Variants in GABRG1 observed in about 807,000 individuals in gnomAD.
GABRG1 encodes the protein gamma-aminobutyric acid type A receptor subunit gamma1.
A neutral mutation model predicts 49.8 loss-of-function variants in GABRG1; 49 were observed. The observed-to-expected ratio is 0.98, with a 90% CI of 0.78 to 1.25. GABRG1 has a LOEUF of 1.25. GABRG1 is among the 50% of genes most tolerant of loss of function. The pLI is 0.00. For synonymous variants in GABRG1, 232 were observed against 185.1 expected (o/e 1.25, Z -2.06); for missense variants, 552 against 552.3 (o/e 1.00, Z 0.01).
At chr4:46,104,995 T>A (rs925398371) in intron 1 of GABRG1, among the ~76,000 whole-genome samples, 6 of 151,472 alleles carry the variant, frequency 4.0e-5, no homozygotes, top group Admixed American at 3.3e-4. Context: ...ACTGGATTTA[T>A]AAAAGGTAAT....
intron 3 of GABRG1, 120 bp from the exon 4 acceptor site, chr4:46,065,704 G>T: frequency 1.7e-6 from 1 of 600,318 alleles, no homozygotes; most frequent in Admixed American, 3.1e-5. Context: ...CAGTCTTTTC[G>T]GAGGAAAAAA....
At chr4:46,061,987 T>C (rs1307083984) in intron 5 of GABRG1, among the ~76,000 whole-genome samples, 1 of 150,816 alleles carries the variant, frequency 6.6e-6, no homozygotes, top group Non-Finnish European at 1.5e-5. Flanking sequence ...TAACTCATCA[T>C]TTAGCATTAC....
chr4:46,041,070 AT>A lies in GABRG1; in HGVS notation c.1315del (p.Ile439LeufsTer41). 6 of 1,613,104 alleles carry A rather than the reference AT, an allele frequency of 3.7e-6. No individual in the cohort carries two copies. Among genetic ancestry groups the A allele is most frequent in the Non-Finnish European group, 5.1e-6 (6 of 1,179,358 alleles). ...EGRIHIRIAK[I>X]DSYSRIFFPT... is the part of the protein sequence containing the mutation. Reference sequence around the variant, plus strand: ...GAAAAATATTCTAGAATAAGAGTCAATTTTGGCAATGCGTATGTGTATCCTT... The same window carrying A: ...GAAAAATATTCTAGAATAAGAGTCAATTTGGCAATGCGTATGTGTATCCTT... On this transcript the variant is annotated frameshift_variant, in exon 9 of 9. Coordinates refer to ENST00000295452, the MANE Select transcript of GABRG1 (RefSeq NM_173536.4). LOFTEE classifies it high-confidence loss of function.
At chr4:46,103,945 T>C (rs1317143504) in intron 1 of GABRG1, among the ~76,000 whole-genome samples, 1 of 151,364 alleles carries the variant, frequency 6.6e-6, no homozygotes, top group Non-Finnish European at 1.5e-5. Flanking sequence ...CTGCATGTAA[T>C]CTCTACCAAA....
At chr4:46,064,367 C>T in intron 5 of GABRG1, 74 bp downstream of exon 5, 1 of 785,634 alleles carries the variant, frequency 1.3e-6, no homozygotes, top group Non-Finnish European at 2.0e-6. Flanking sequence ...ATTTTATTTT[C>T]TTTCTTTTCA....
At chr4:46,103,859 T>C in intron 1 of GABRG1, among the ~76,000 whole-genome samples, 1 of 151,268 alleles carries the variant, frequency 6.6e-6, no homozygotes, top group Non-Finnish European at 1.5e-5. Context: ...ATACAAAAAG[T>C]ATAGGTACCT....
chr4:46,042,459 T>C (rs1717822738), intron 8 of GABRG1, among the ~76,000 whole-genome samples: 1 of 151,968 alleles, frequency 6.6e-6, no homozygotes, highest in East Asian at 1.9e-4. Flanking sequence ...TTACAACTTA[T>C]TGTATTCAGC....
At chr4:46,042,075 CA>C (rs778332064) in intron 8 of GABRG1, among the ~76,000 whole-genome samples, 9 of 151,690 alleles carry the variant, frequency 5.9e-5, no homozygotes, top group Non-Finnish European at 8.8e-5. Flanking sequence ...TTCTTCTGTA[CA>C]AAAATGGCAA....
At chr4:46,117,740 A>AG (rs1270529765) in intron 1 of GABRG1, among the ~76,000 whole-genome samples, 6 of 143,912 alleles carry the variant, frequency 4.2e-5, no homozygotes, top group Admixed American at 7.1e-5. Context: ...ATATACATAT[A>AG]CACATATACA....
intron 1 of GABRG1, among the ~76,000 whole-genome samples, chr4:46,116,365 G>C (rs1720886573): frequency 6.6e-6 from 1 of 150,718 alleles, no homozygotes; most frequent in Non-Finnish European, 1.5e-5. Flanking sequence ...CATAGTGCCT[G>C]ACAGAACATA....
chr4:46,049,539 C>CCATTTGT (rs1317368180), intron 8 of GABRG1, among the ~76,000 whole-genome samples: 4 of 151,818 alleles, frequency 2.6e-5, no homozygotes, highest in African/African-American at 9.7e-5. Context: ...TTGCTATTTG[C>CCATTTGT]CATTTAGTAC....
intron 2 of GABRG1, among the ~76,000 whole-genome samples, chr4:46,094,574 G>A (rs563201412): frequency 4.6e-5 from 7 of 152,060 alleles, no homozygotes; most frequent in African/African-American, 1.7e-4. Context: ...GTTCAAAATA[G>A]GTTGTTTCTG....
chr4:46,102,182 A>G (rs1007584616), intron 1 of GABRG1, among the ~76,000 whole-genome samples: 6 of 151,772 alleles, frequency 4.0e-5, no homozygotes, highest in Non-Finnish European at 7.4e-5. Flanking sequence ...TAAGAAAATT[A>G]TTGTGGCATC....
At position 46,081,884 on chromosome 4, in the gene GABRG1, T is replaced by C. The variant is rs150066347; in HGVS notation, c.321+2102A>G. Reference sequence around the variant, plus strand: ...ATGCACAGGCACAGAGAAAAGACCATGTAAGGACACAGTGAGAAAGCAGCT... The same window carrying C: ...ATGCACAGGCACAGAGAAAAGACCACGTAAGGACACAGTGAGAAAGCAGCT... On this transcript the variant is annotated intron_variant, in intron 3 of 8. Coordinates refer to ENST00000295452, the MANE Select transcript of GABRG1 (RefSeq NM_173536.4). Among the ~76,000 whole-genome samples the C allele has an allele frequency of 1.7e-3, 255 of 151,878 alleles. 2 individuals are homozygous for C. Among genetic ancestry groups the C allele is most frequent in the African/African-American group, 5.8e-3 (242 of 41,496 alleles).
intron 3 of GABRG1, among the ~76,000 whole-genome samples, chr4:46,080,865 A>T (rs934623038): frequency 4.6e-5 from 7 of 151,916 alleles, no homozygotes; most frequent in Non-Finnish European, 2.9e-5. Flanking sequence ...AAACATTACA[A>T]TACTCCACTA....
intron 1 of GABRG1, among the ~76,000 whole-genome samples, chr4:46,108,196 A>C (rs1720614950): frequency 6.6e-6 from 1 of 151,146 alleles, no homozygotes; most frequent in African/African-American, 2.4e-5. Context: ...AGAAGGGAAC[A>C]TGAATTGATA....
intron 1 of GABRG1, among the ~76,000 whole-genome samples, chr4:46,118,371 T>A (rs1401860335): frequency 2.0e-5 from 3 of 150,322 alleles, no homozygotes; most frequent in African/African-American, 7.3e-5. Context: ...TTTCCCAGAG[T>A]TGCAACTGAT....
chr4:46,065,375 C>G lies in GABRG1; in HGVS notation c.531G>C (p.Leu177=). The change falls in exon 4 of 9, where the codon CTG becomes CTC. Residue 177 remains leucine, a synonymous_variant. Coordinates refer to ENST00000295452, the MANE Select transcript of GABRG1 (RefSeq NM_173536.4). ...LLRIWNDGRV[L]YTLRLTINAE... The stretch of plus-strand genomic sequence containing the variant: ...TAAACCAATATTACCTTAGAGTATA[C>G]AGAACTCGTCCATCATTCCAAATTC... 6.3e-7 allele frequency: 1 copy of G among 1,594,604 alleles called. No homozygotes were observed. The highest frequency in any genetic ancestry group is 2.2e-5 in the East Asian group (1 of 44,686).
intron 8 of GABRG1, 28 bp downstream of exon 8, chr4:46,051,396 A>T (rs1718212224): frequency 6.6e-7 from 1 of 1,507,578 alleles, no homozygotes; most frequent in Non-Finnish European, 9.0e-7. Flanking sequence ...TGAGGTTTAT[A>T]AAATAGAAAT....
Sources: gnomAD v4.1 joint callset for allele counts (sites outside exome capture counted in the v4.1 genomes callset) on GRCh38, gnomAD v4.1.1 for gene constraint, MANE v1.5 for transcripts, NCBI Gene and HGNC (gene_info 2026-07-23, HGNC 2026-07-21) for gene names.